Variants in FHIT observed in about 807,000 individuals in gnomAD.
FHIT encodes bis(5'-adenosyl)-triphosphatase.
In FHIT, 19 loss-of-function variants were observed where a neutral mutation model predicts 17.9. That is an observed-to-expected ratio of 1.06 (90% CI 0.74 to 1.56). FHIT has a LOEUF of 1.56. Ranked by LOEUF, FHIT falls within the 40% of genes most tolerant of loss-of-function variation. FHIT has a pLI of 0.00. For synonymous variants in FHIT, 81 were observed against 69.7 expected, an observed-to-expected ratio of 1.16 and a Z score of -0.81; for missense variants, 248 against 189.2, an observed-to-expected ratio of 1.31 and a Z score of -1.82.
At chr3:60,724,810 G>A (rs1488962826) in intron 4 of FHIT, among the ~76,000 whole-genome samples, 1 of 151,854 alleles carries the variant, frequency 6.6e-6, no homozygotes, top group African/African-American at 2.4e-5. Flanking sequence ...CACCATGCCT[G>A]GCTAATTTTT....
intron 5 of FHIT, among the ~76,000 whole-genome samples, chr3:60,524,624 G>C (rs143273219): frequency 1.6e-4 from 25 of 152,314 alleles, no homozygotes; most frequent in Middle Eastern, 6.8e-3. Flanking sequence ...TTGGAGGCCA[G>C]CGTGGCATCC....
intron 8 of FHIT, among the ~76,000 whole-genome samples, chr3:59,895,931 A>G (rs1704048726): frequency 6.6e-6 from 1 of 152,170 alleles, no homozygotes; most frequent in African/African-American, 2.4e-5. Context: ...TGCTTCTCAG[A>G]GCCTCTGCAC....
chr3:59,945,045 C>A (rs752862565), intron 7 of FHIT, among the ~76,000 whole-genome samples: 1 of 152,116 alleles, frequency 6.6e-6, no homozygotes, highest in Non-Finnish European at 1.5e-5. Flanking sequence ...ATATACTCAG[C>A]ACTGGGATTG....
At chr3:60,654,692 A>G (rs569599007) in intron 4 of FHIT, among the ~76,000 whole-genome samples, 5 of 152,308 alleles carry the variant, frequency 3.3e-5, no homozygotes, top group South Asian at 2.1e-4. Context: ...TCTAGACACA[A>G]TGTCTTTGAG....
chr3:60,740,762 C>G (rs2042224347), intron 4 of FHIT, among the ~76,000 whole-genome samples: 1 of 152,122 alleles, frequency 6.6e-6, no homozygotes, highest in African/African-American at 2.4e-5. Context: ...GAGGACAAAG[C>G]TTTTGTAAAT....
intron 3 of FHIT, among the ~76,000 whole-genome samples, chr3:61,021,931 GA>G (rs1341052825): frequency 2.0e-5 from 3 of 151,940 alleles, no homozygotes; most frequent in Non-Finnish European, 4.4e-5. Context: ...TCACAATTAA[GA>G]GAACTAGAAA....
intron 5 of FHIT, among the ~76,000 whole-genome samples, chr3:60,095,580 G>A (rs1049945994): frequency 6.6e-6 from 1 of 152,148 alleles, no homozygotes; most frequent in Non-Finnish European, 1.5e-5. Flanking sequence ...CAGGAGAAAG[G>A]CTATTTGTTC....
At chr3:60,019,166 G>A (rs2106723677) in intron 5 of FHIT, among the ~76,000 whole-genome samples, 1 of 152,278 alleles carries the variant, frequency 6.6e-6, no homozygotes, top group Non-Finnish European at 1.5e-5. Context: ...CATCCCAATA[G>A]ATGCAGAATC....
chr3:60,035,976 T>G (rs1701200657), intron 5 of FHIT, among the ~76,000 whole-genome samples: 1 of 152,200 alleles, frequency 6.6e-6, no homozygotes, highest in Non-Finnish European at 1.5e-5. Context: ...TCTGCCCATC[T>G]CTGGCACTCT....
At chr3:60,794,106 C>G (rs1700888744) in intron 4 of FHIT, among the ~76,000 whole-genome samples, 2 of 152,024 alleles carry the variant, frequency 1.3e-5, no homozygotes, top group Middle Eastern at 3.4e-3. Context: ...CACCCTTCAC[C>G]TAGTCCTTCT....
intron 5 of FHIT, among the ~76,000 whole-genome samples, chr3:60,390,014 A>G (rs1009179626): frequency 2.0e-5 from 3 of 152,240 alleles, no homozygotes; most frequent in Admixed American, 1.3e-4. Context: ...TTCCTTCCAT[A>G]TATCTCTCTG....
At chr3:60,195,796 GT>G (rs1702614651) in intron 5 of FHIT, among the ~76,000 whole-genome samples, 1 of 139,150 alleles carries the variant, frequency 7.2e-6, no homozygotes, top group African/African-American at 2.7e-5. Flanking sequence ...AATACCACGT[GT>G]TCTCACATAC....
chr3:60,739,941 A>G (rs1339991623), intron 4 of FHIT, among the ~76,000 whole-genome samples: 1 of 152,220 alleles, frequency 6.6e-6, no homozygotes, highest in Non-Finnish European at 1.5e-5. Context: ...GTTTAAGTGG[A>G]AAGTGGCATT....
At chr3:60,099,848 A>G (rs1704118736) in intron 5 of FHIT, among the ~76,000 whole-genome samples, 1 of 152,328 alleles carries the variant, frequency 6.6e-6, no homozygotes, top group South Asian at 2.1e-4. Flanking sequence ...ATGAAAGCGG[A>G]AACTCTGGCT....
At position 60,331,042 on chromosome 3, in the gene FHIT, T is replaced by A. The variant is rs184401369; in HGVS notation, c.103+205818A>T. Among the ~76,000 whole-genome samples the A allele has an allele frequency of 2.0e-5, 3 of 152,256 alleles. No individual in the cohort carries two copies. In the East Asian group the frequency reaches 5.8e-4, roughly 29 times the overall value. On this transcript the variant is annotated intron_variant, in intron 5 of 9. Transcript: ENST00000492590. ...CCAAGGCTTCCTCCTGTCACCAGAA[T>A]CCCCTGCATATCTTAGCGTGGAGTT...
chr3:60,519,041 A>T (rs2035263593), intron 5 of FHIT, among the ~76,000 whole-genome samples: 1 of 152,210 alleles, frequency 6.6e-6, no homozygotes, highest in African/African-American at 2.4e-5. Context: ...AAAACGTCAG[A>T]AAAATGTCAA....
intron 8 of FHIT, among the ~76,000 whole-genome samples, chr3:59,758,629 T>A (rs1352711499): frequency 6.6e-6 from 1 of 152,180 alleles, no homozygotes; most frequent in Non-Finnish European, 1.5e-5. Context: ...AGAAGAGCCA[T>A]CCAGACTGGC....
At chr3:60,604,242 C>T (rs2038536367) in intron 4 of FHIT, among the ~76,000 whole-genome samples, 1 of 152,074 alleles carries the variant, frequency 6.6e-6, no homozygotes, top group Admixed American at 6.6e-5. Flanking sequence ...CAGAACCACG[C>T]AATTAATTAA....
chr3:60,955,611 T>TATACATATATATATATATAC lies in FHIT; in HGVS notation c.-111+86435_-111+86436insGTATATATATATATATGTAT, dbSNP rs1709093871. ...GCATATATATACATATATATATATA[T>TATACATATATATATATATAC]ATATATATATATATATATATATACA... is the stretch of plus-strand genomic sequence containing the variant. On this transcript the variant is annotated intron_variant, in intron 3 of 9. Transcript: ENST00000492590. Among the ~76,000 whole-genome samples the TATACATATATATATATATAC allele has an allele frequency of 3.0e-3, 51 of 16,924 alleles. 1 individual carries two copies. The highest frequency in any genetic ancestry group is 5.6e-3 in the African/African-American group (46 of 8,158). 11.1% of individuals were successfully genotyped at this position (16,924 alleles called of 152,430 possible).
Sources: gnomAD v4.1 joint callset for allele counts (sites outside exome capture counted in the v4.1 genomes callset) on GRCh38, gnomAD v4.1.1 for gene constraint, MANE v1.5 for transcripts, NCBI Gene and HGNC (gene_info 2026-07-23, HGNC 2026-07-21) for gene names.